FMNL1: variants seen among roughly 807,000 people sequenced by gnomAD.
The protein encoded by FMNL1 is formin like 1, also known as formin-like protein 1.
FMNL1 carries 43 observed loss-of-function variants against 121.3 expected under a neutral mutation model. The observed-to-expected ratio is 0.35, with a 90% CI of 0.28 to 0.46. The LOEUF (loss-of-function observed/expected upper bound fraction) is 0.46, where lower values mean the gene tolerates loss of function less well. Among genes scored for constraint, FMNL1 ranks in the 20% least tolerant of loss-of-function variants. The pLI is 1.00. For synonymous variants in FMNL1, 613 were observed against 613.5 expected, an observed-to-expected ratio of 1.00 and a Z score of 0.01; for missense variants, 1,191 against 1,482.4, an observed-to-expected ratio of 0.80 and a Z score of 3.23.
Position 45,241,445 on chromosome 17 carries a change from C to G in FMNL1, c.1396C>G (p.Pro466Ala). The G allele has an allele frequency of 6.4e-7, 1 of 1,564,104 alleles. No homozygotes were observed. Among genetic ancestry groups the G allele is most frequent in the Non-Finnish European group, 8.7e-7 (1 of 1,154,950 alleles). Residue 466 changes from proline to alanine, a missense_variant, in exon 14 of 27, where the codon CCT (proline) becomes GCT (alanine). Pro to Ala is a conservative substitution (Grantham distance 27). This residue lies in a region of FMNL1 where 519 missense variants were observed against 492.8 expected (regional missense o/e 1.05). Coordinates refer to ENST00000331495, the MANE Select transcript of FMNL1 (RefSeq NM_005892.4). The surrounding 1 kb of genome is among the most constrained non-coding windows in gnomAD (Gnocchi z 7.0). Reference sequence around the variant, plus strand: ...GCGTCCCCCAGAGCCTGAGAAAGCGCCTCCCGCTGCCCCGACGCGGCCCTC... The same window carrying G: ...GCGTCCCCCAGAGCCTGAGAAAGCGGCTCCCGCTGCCCCGACGCGGCCCTC... ...SRRPPEPEKA[P>A]PAAPTRPSAL...
At chr17:45,229,107 G>C (rs994691093) in intron 1 of FMNL1, among the ~76,000 whole-genome samples, 1 of 152,236 alleles carries the variant, frequency 6.6e-6, no homozygotes. Flanking sequence ...GAGGGCTGGG[G>C]GAGGGCGGCT....
rs956905301 is a variant in FMNL1, at chr17:45,237,738, A to G, written c.894+99A>G. Reference sequence around the variant, plus strand: ...GCCTTTGCTGGAGGCAGCTGGGGACATTGGGTGGGCATTTGGGGAACGCCC... The same window carrying G: ...GCCTTTGCTGGAGGCAGCTGGGGACGTTGGGTGGGCATTTGGGGAACGCCC... On this transcript the variant is annotated intron_variant, in intron 9 of 26. Coordinates refer to ENST00000331495, the MANE Select transcript of FMNL1 (RefSeq NM_005892.4). The surrounding 1 kb of genome is among the most constrained non-coding windows in gnomAD (Gnocchi z 4.4). The G allele has an allele frequency of 2.3e-6, 3 of 1,330,862 alleles. No individual in the cohort carries two copies. The Admixed American group carries it at 5.5e-5, about 24-fold the overall frequency. The allele number at this position is 1,330,862 out of a possible 1,614,324, so 82.4% of individuals were successfully genotyped here. A position where few individuals can be genotyped will look rare whatever the true frequency, so the allele number is the denominator to read the frequency against.
At chr17:45,230,462 A>G in intron 1 of FMNL1, 142 bp from the exon 2 acceptor site, 1 of 661,848 alleles carries the variant, frequency 1.5e-6, no homozygotes. Context: ...ATTGGATAAC[A>G]CTACGTATCT....
At position 45,245,044 on chromosome 17, in the gene FMNL1, T is replaced by C. The variant is rs1430335119; in HGVS notation, c.2664T>C (p.Ala888=). 5.0e-6 allele frequency: 8 copies of C among 1,614,182 alleles called. No individual in the cohort carries two copies. Among genetic ancestry groups the C allele is most frequent in the Non-Finnish European group, 6.8e-6 (8 of 1,180,026 alleles). The part of the protein sequence containing the change: ...TLLHYLVKVI[A]EKYPQLTGFH... ...TGCACTACCTGGTGAAGGTCATTGC[T>C]GAGAAGTACCCGCAACTCACAGGCT... The change falls in exon 21 of 27, where the codon GCT becomes GCC. Residue 888 remains alanine, a synonymous_variant. Coordinates refer to ENST00000331495, the MANE Select transcript of FMNL1 (RefSeq NM_005892.4).
At chr17:45,245,218 T>C in intron 21 of FMNL1, 35 bp from the exon 22 acceptor site, 1 of 1,613,462 alleles carries the variant, frequency 6.2e-7, no homozygotes, top group African/African-American at 1.3e-5. Context: ...GCCTCTCCGA[T>C]TCACTGACCT....
At chr17:45,228,714 C>G (rs149811304) in intron 1 of FMNL1, among the ~76,000 whole-genome samples, 377 of 152,274 alleles carry the variant, frequency 2.5e-3, no homozygotes, top group African/African-American at 8.3e-3. Context: ...CCGCTGGGGC[C>G]ATTCCAGAAC....
At position 45,233,415 on chromosome 17, in the gene FMNL1, A is replaced by G; in HGVS notation, c.401+118A>G. The G allele has an allele frequency of 8.7e-7, 1 of 1,152,106 alleles. No individual in the cohort carries two copies. The highest frequency in any genetic ancestry group is 1.2e-6 in the Non-Finnish European group (1 of 820,656). The allele number at this position is 1,152,106 out of a possible 1,614,324, so 71.4% of individuals were successfully genotyped here. On this transcript the variant is annotated intron_variant, in intron 4 of 26. Coordinates refer to ENST00000331495, the MANE Select transcript of FMNL1 (RefSeq NM_005892.4). The surrounding 1 kb of genome is among the most constrained non-coding windows in gnomAD (Gnocchi z 4.1). ...CTGCACAAGGCTGTGCTTGTGGACC[A>G]CCTCCTGGAGGTGTCCAGGACAGCT...
rs9913962 is a variant in FMNL1 at position 45,232,575 on chromosome 17, G to A, written c.327+95G>A. On this transcript the variant is annotated intron_variant, in intron 3 of 26. Transcript: ENST00000331495. ...TGTGTGTACAGACTTTTCTATGTGC[G>A]TGTGTGGGTGCATGTATGAGTGTGT... 0.062 allele frequency: 67,640 copies of A among 1,082,262 alleles called. 2,347 individuals are homozygous for A. Among genetic ancestry groups the A allele is most frequent in the Admixed American group, 0.11 (5,278 of 49,234 alleles). The allele number at this position is 1,082,262 out of a possible 1,614,324, so 67.0% of individuals were successfully genotyped here.
intron 1 of FMNL1, among the ~76,000 whole-genome samples, chr17:45,226,881 C>T (rs575743229): frequency 1.3e-5 from 2 of 152,166 alleles, no homozygotes; most frequent in Admixed American, 1.3e-4. Context: ...GGGTCCTCAG[C>T]ACCTGATCCT....
At chr17:45,227,338 G>A (rs1226880724) in intron 1 of FMNL1, among the ~76,000 whole-genome samples, 1 of 152,084 alleles carries the variant, frequency 6.6e-6, no homozygotes, top group Non-Finnish European at 1.5e-5. Flanking sequence ...GCACTGGTGT[G>A]GGGGAGGTGG....
rs2043232819 is a variant in FMNL1 at position 45,221,897 on chromosome 17, C to G, written c.-228C>G. ...CGGCCTGCAGCCTGACTTCCTCCCC[C>G]AACCCTGCAGCTCGCCGCCCGGTCC... On this transcript the variant is annotated 5_prime_UTR_variant, in exon 1 of 27. Coordinates refer to ENST00000331495, the MANE Select transcript of FMNL1 (RefSeq NM_005892.4). The G allele has an allele frequency of 3.0e-6, 1 of 333,788 alleles. No homozygotes were observed. The allele number at this position is 333,788 out of a possible 1,614,324, so 20.7% of individuals were successfully genotyped here. A position where few individuals can be genotyped will look rare whatever the true frequency, so the allele number is the denominator to read the frequency against.
Position 45,221,964 on chromosome 17 carries a change from C to T in FMNL1, c.-161C>T. On this transcript the variant is annotated 5_prime_UTR_variant, in exon 1 of 27. Transcript: ENST00000331495. ...CCGATGGGACGCCGCGCTCCGGCCCCTGCGCGCCGCTGAGCCGAGCGCCCC... is the reference window on the plus strand; with the variant it reads ...CCGATGGGACGCCGCGCTCCGGCCCTTGCGCGCCGCTGAGCCGAGCGCCCC... 3 of 446,058 alleles carry T rather than the reference C, an allele frequency of 6.7e-6. No individual in the cohort carries two copies. The highest frequency in any genetic ancestry group is 1.0e-5 in the Non-Finnish European group (3 of 289,738). 27.6% of individuals were successfully genotyped at this position (446,058 alleles called of 1,614,324 possible).
intron 11 of FMNL1, chr17:45,239,283 A>C: frequency 1.8e-6 from 1 of 562,876 alleles, no homozygotes; most frequent in Non-Finnish European, 3.2e-6. Context: ...TTGACTCTAA[A>C]TGCATAGACC....
At chr17:45,238,704 G>C (rs1345517609) in intron 10 of FMNL1, 66 bp downstream of exon 10, 2 of 1,595,444 alleles carry the variant, frequency 1.3e-6, no homozygotes, top group East Asian at 4.5e-5. Flanking sequence ...GAGCAGCTAG[G>C]GTCCTGGGTG....
At chr17:45,243,505 G>A (rs1164278107) in intron 17 of FMNL1, among the ~76,000 whole-genome samples, 185 bp downstream of exon 17, 4 of 152,206 alleles carry the variant, frequency 2.6e-5, no homozygotes, top group Non-Finnish European at 4.4e-5. Context: ...AAATTAGGAT[G>A]TCCCACTTCC....
At chr17:45,226,062 A>G (rs1279760220) in intron 1 of FMNL1, among the ~76,000 whole-genome samples, 2 of 151,968 alleles carry the variant, frequency 1.3e-5, no homozygotes, top group Non-Finnish European at 2.9e-5. Flanking sequence ...CACCTCCACT[A>G]CCAAGAGCAC....
rs556760778 is a variant in FMNL1 at position 45,246,732 on chromosome 17, C to G, written c.*8+128C>G. The G allele has an allele frequency of 8.8e-5, 84 of 953,876 alleles. No individual in the cohort carries two copies. In the East Asian group the frequency reaches 2.1e-3, roughly 24 times the overall value. The allele number at this position is 953,876 out of a possible 1,614,324, so 59.1% of individuals were successfully genotyped here. ...GATGTGATTTGTGGGGTGGAGGGGT[C>G]TGGCAAACATAAACGGTACCCCTGC... is the stretch of plus-strand genomic sequence containing the variant. On this transcript the variant is annotated intron_variant, in intron 26 of 26. Transcript: ENST00000331495.
intron 1 of FMNL1, among the ~76,000 whole-genome samples, chr17:45,227,756 C>T (rs1210108001): frequency 2.0e-5 from 3 of 152,172 alleles, no homozygotes; most frequent in African/African-American, 7.2e-5. Context: ...TTGTTAAATC[C>T]AAACTCAGCT....
At position 45,231,763 on chromosome 17, in the gene FMNL1, C is replaced by T. The variant is rs983993124; in HGVS notation, c.214-604C>T. 1.3e-5 allele frequency among the ~76,000 whole-genome samples: 2 copies of T among 152,100 alleles called. No individual in the cohort carries two copies. The highest frequency in any genetic ancestry group is 6.5e-5 in the Admixed American group (1 of 15,274). The stretch of plus-strand genomic sequence containing the variant: ...TTCCTGCCAACGCAGATGTGCAGGG[C>T]GGCTGGGTCCGAGTCCTACCCAGGT... On this transcript the variant is annotated intron_variant, in intron 2 of 26. Transcript: ENST00000331495. This position sits in a 1 kb window ranked among gnomAD's most constrained non-coding sequence, Gnocchi z 4.7.
Sources: allele counts gnomAD v4.1 joint callset (sites outside exome capture counted in the v4.1 genomes callset), GRCh38; gene constraint gnomAD v4.1.1; regional missense constraint gnomAD v4.1.1; non-coding constraint Gnocchi (gnomAD v3.1); transcripts MANE v1.5; gene names NCBI Gene and HGNC (gene_info 2026-07-23, HGNC 2026-07-21).